The following RUNX2 variants were observed in gnomAD, a reference collection of about 807,000 sequenced individuals.
RUNX2 encodes runt-related transcription factor 2.
In RUNX2, 10 loss-of-function variants were observed where a neutral mutation model predicts 51.7. The ratio of observed to expected loss-of-function variants is 0.19; its 90% confidence interval spans 0.12 to 0.33. RUNX2 has a LOEUF of 0.33. Among genes scored for constraint, RUNX2 ranks in the 10% least tolerant of loss-of-function variants. The probability of loss-of-function intolerance (pLI) is 1.00; values close to 1 mark genes in which losing one functional copy is unlikely to be tolerated. For missense variants in RUNX2, 562 were observed against 691.3 expected (o/e 0.81, Z 2.10); for synonymous variants, 276 against 273.6 (o/e 1.01, Z -0.09).
At position 45,535,279 on chromosome 6, in the gene RUNX2, G is replaced by A. The variant is rs113526464; in HGVS notation, c.1022-9938G>A. Among the ~76,000 whole-genome samples the A allele has an allele frequency of 3.0e-3, 458 of 152,194 alleles. 3 individuals carry two copies. The highest frequency in any genetic ancestry group is 0.01 in the African/African-American group (426 of 41,504). ...AAAAAAAGGCTATAGAGGTGATTGC[G>A]CGATTGTTGCTTCCCCAGCACACTT... On this transcript the variant is annotated intron_variant, in intron 7 of 8. Transcript: ENST00000647337.
At chr6:45,466,317 A>G (rs961874663) in intron 5 of RUNX2, among the ~76,000 whole-genome samples, 1 of 152,180 alleles carries the variant, frequency 6.6e-6, no homozygotes, top group Non-Finnish European at 1.5e-5. Flanking sequence ...CCGTCTTAAA[A>G]AAAAAAAGAA....
intron 6 of RUNX2, among the ~76,000 whole-genome samples, chr6:45,509,496 C>T (rs1801078309): frequency 6.6e-6 from 1 of 152,162 alleles, no homozygotes; most frequent in South Asian, 2.1e-4. Flanking sequence ...CTCAGCACAG[C>T]AGGGAGGTTT....
intron 2 of RUNX2, among the ~76,000 whole-genome samples, chr6:45,419,338 A>C (rs1282087915): frequency 6.6e-6 from 1 of 151,688 alleles, no homozygotes; most frequent in East Asian, 1.9e-4. Context: ...CCCCCTTTGC[A>C]GCCCCCACAG....
At chr6:45,519,160 C>T (rs544485452) in intron 7 of RUNX2, among the ~76,000 whole-genome samples, 2 of 152,108 alleles carry the variant, frequency 1.3e-5, no homozygotes, top group South Asian at 2.1e-4. Flanking sequence ...AAAAGGAGGT[C>T]GCATAATTAT....
chr6:45,512,175 AG>A (rs878917491), intron 6 of RUNX2, 70 bp from the exon 7 acceptor site: 1 of 1,477,110 alleles, frequency 6.8e-7, no homozygotes. Flanking sequence ...TTCCTTTCTG[AG>A]TTTTGGGTTG....
At chr6:45,337,159 T>G (rs1485223072) in intron 2 of RUNX2, among the ~76,000 whole-genome samples, 1 of 151,780 alleles carries the variant, frequency 6.6e-6, no homozygotes, top group African/African-American at 2.4e-5. Flanking sequence ...ACTGCCCATA[T>G]GAACAGAACA....
intron 5 of RUNX2, among the ~76,000 whole-genome samples, chr6:45,468,097 A>G (rs1052954014): frequency 6.6e-6 from 1 of 152,194 alleles, no homozygotes; most frequent in South Asian, 2.1e-4. Flanking sequence ...TATGCCCAGA[A>G]TAACTTAGCC....
At chr6:45,404,280 A>AAAT (rs1797785260) in intron 2 of RUNX2, among the ~76,000 whole-genome samples, 1 of 140,684 alleles carries the variant, frequency 7.1e-6, no homozygotes, top group Non-Finnish European at 1.5e-5. Context: ...AAAAAGAAAA[A>AAAT]GAAAAAAGAA....
intron 2 of RUNX2, among the ~76,000 whole-genome samples, chr6:45,413,598 T>G (rs1582085473): frequency 6.6e-6 from 1 of 151,882 alleles, no homozygotes; most frequent in African/African-American, 2.4e-5. Context: ...ACCTGGCTAA[T>G]TTTTGTATTT....
chr6:45,533,933 C>T (rs1801946156), intron 7 of RUNX2, among the ~76,000 whole-genome samples: 1 of 131,606 alleles, frequency 7.6e-6, no homozygotes, highest in South Asian at 2.5e-4. Context: ...CTCGCTCTGT[C>T]ATCCAGGCTG....
At chr6:45,380,461 G>C (rs996261815) in intron 2 of RUNX2, among the ~76,000 whole-genome samples, 2 of 152,220 alleles carry the variant, frequency 1.3e-5, no homozygotes, top group Non-Finnish European at 2.9e-5. Flanking sequence ...ATGTATCTAA[G>C]TAAAAGTGCC....
rs760361518 is a variant in RUNX2 at position 45,431,880 on chromosome 6, G to A, written c.441G>A (p.Glu147=). The A allele has an allele frequency of 6.2e-7, 1 of 1,614,156 alleles. No individual in the cohort carries two copies. Among genetic ancestry groups the A allele is most frequent in the South Asian group, 1.1e-5 (1 of 91,080 alleles). The stretch of plus-strand genomic sequence containing the variant: ...TTATGTAGGTGGTAGCCCTCGGAGA[G>A]GTACCAGATGGGACTGTGGTTACTG... ...PVAFKVVALG[E]VPDGTVVTVM... is the part of the protein sequence containing the mutation. The change falls in exon 4 of 9, where the codon GAG becomes GAA. Residue 147 remains glutamate, a synonymous_variant. Coordinates refer to ENST00000647337, the MANE Select transcript of RUNX2 (RefSeq NM_001024630.4).
chr6:45,353,488 T>C (rs1204172270), intron 2 of RUNX2, among the ~76,000 whole-genome samples: 1 of 152,062 alleles, frequency 6.6e-6, no homozygotes, highest in Admixed American at 6.6e-5. Flanking sequence ...TAAAATAATT[T>C]ATTATCTGAT....
chr6:45,387,377 A>C (rs1008959547), intron 2 of RUNX2, among the ~76,000 whole-genome samples: 3 of 152,218 alleles, frequency 2.0e-5, no homozygotes, highest in Non-Finnish European at 4.4e-5. Flanking sequence ...TAGGAACCAG[A>C]AGCACACAGC....
chr6:45,419,227 G>C (rs1798124317), intron 2 of RUNX2, among the ~76,000 whole-genome samples: 1 of 152,106 alleles, frequency 6.6e-6, no homozygotes, highest in South Asian at 2.1e-4. Flanking sequence ...CTTCCTGGGA[G>C]GAGGACAATC....
At chr6:45,422,351 G>C in intron 2 of RUNX2, 1 of 501,038 alleles carries the variant, frequency 2.0e-6, no homozygotes, top group East Asian at 4.1e-5. Context: ...CGCCTCCCGG[G>C]TCTCCCTACC....
At chr6:45,436,911 C>T (rs1798700366) in intron 4 of RUNX2, among the ~76,000 whole-genome samples, 1 of 152,176 alleles carries the variant, frequency 6.6e-6, no homozygotes, top group African/African-American at 2.4e-5. Flanking sequence ...GTTACAGGAG[C>T]AGACTGAATG....
chr6:45,378,429 G>T (rs1323661184), intron 2 of RUNX2, among the ~76,000 whole-genome samples: 1 of 152,194 alleles, frequency 6.6e-6, no homozygotes, highest in Admixed American at 6.5e-5. Context: ...GGGAAACGGA[G>T]GGGTCTGAAC....
chr6:45,364,105 ACT>A (rs1381135267), intron 2 of RUNX2, among the ~76,000 whole-genome samples: 5 of 124,534 alleles, frequency 4.0e-5, no homozygotes, highest in African/African-American at 1.6e-4. Context: ...ACAGAGTGAG[ACT>A]CTGTCTCAAA....
Sources: allele counts gnomAD v4.1 joint callset (sites outside exome capture counted in the v4.1 genomes callset), GRCh38; gene constraint gnomAD v4.1.1; transcripts MANE v1.5; gene names NCBI Gene and HGNC (gene_info 2026-07-23, HGNC 2026-07-21).